The following NELL2 variants were observed in gnomAD, a reference collection of about 807,000 sequenced individuals.
NELL2 encodes the protein protein kinase C-binding protein NELL2.
A neutral mutation model predicts 109.6 loss-of-function variants in NELL2; 41 were observed. That is an observed-to-expected ratio of 0.37 (90% CI 0.29 to 0.49). NELL2 has a LOEUF of 0.49. Among genes scored for constraint, NELL2 ranks in the 20% least tolerant of loss-of-function variants. The pLI is 0.98. For missense variants in NELL2, 900 were observed against 1,008.3 expected (o/e 0.89, Z 1.45); for synonymous variants, 355 against 344.7 (o/e 1.03, Z -0.33).
At chr12:44,895,688 T>A (rs1022846681) in intron 1 of NELL2, among the ~76,000 whole-genome samples, 1 of 152,096 alleles carries the variant, frequency 6.6e-6, no homozygotes, top group Non-Finnish European at 1.5e-5. Flanking sequence ...TGTTGAGGCT[T>A]TTTTTCCTGC....
intron 9 of NELL2, among the ~76,000 whole-genome samples, chr12:44,765,841 T>A (rs949355064): frequency 1.2e-4 from 19 of 152,058 alleles, no homozygotes; most frequent in African/African-American, 3.9e-4. Flanking sequence ...TGAGTCTGAA[T>A]TGGCAGGATG....
chr12:44,738,204 T>A (rs1446346117), intron 9 of NELL2, among the ~76,000 whole-genome samples: 6 of 152,190 alleles, frequency 3.9e-5, no homozygotes, highest in Non-Finnish European at 8.8e-5. Flanking sequence ...ATTATTGTGT[T>A]CATATCTCAA....
At chr12:44,778,342 C>T (rs968855512) in intron 5 of NELL2, among the ~76,000 whole-genome samples, 1 of 152,066 alleles carries the variant, frequency 6.6e-6, no homozygotes, top group African/African-American at 2.4e-5. Flanking sequence ...TTACTGGATC[C>T]AGTGTGTGCT....
chr12:44,598,044 AT>A lies in NELL2; in HGVS notation c.1663+9124del, dbSNP rs1418372583. On this transcript the variant is annotated intron_variant, in intron 15 of 19. Coordinates refer to ENST00000429094, the MANE Select transcript of NELL2 (RefSeq NM_001145108.2). ...ACCCTCTCAAAACTGTCATTCACAAATTTGATTGTTCTTCTTTAACTTGGCC... is the reference window on the plus strand; with the variant it reads ...ACCCTCTCAAAACTGTCATTCACAAATTGATTGTTCTTCTTTAACTTGGCC... 4.6e-5 allele frequency among the ~76,000 whole-genome samples: 7 copies of A among 151,970 alleles called. No homozygotes were observed. The East Asian group carries it at 1.4e-3, about 29-fold the overall frequency.
chr12:44,861,392 T>C (rs1374479495), intron 2 of NELL2, among the ~76,000 whole-genome samples: 1 of 152,134 alleles, frequency 6.6e-6, no homozygotes, highest in Non-Finnish European at 1.5e-5. Flanking sequence ...TCCCACAGCC[T>C]CAGGCTCCAG....
intron 11 of NELL2, among the ~76,000 whole-genome samples, chr12:44,708,424 T>TAGTTGTTGGACA (rs1555202827): frequency 6.6e-6 from 1 of 152,190 alleles, no homozygotes; most frequent in African/African-American, 2.4e-5. Context: ...AGGGAATATT[T>TAGTTGTTGGACA]ACTAACTGTT....
chr12:44,567,528 G>C (rs1031632682), intron 15 of NELL2, among the ~76,000 whole-genome samples: 1 of 151,916 alleles, frequency 6.6e-6, no homozygotes, highest in African/African-American at 2.4e-5. Flanking sequence ...GAAAAACAGA[G>C]GACACACTAC....
intron 9 of NELL2, among the ~76,000 whole-genome samples, chr12:44,733,374 CT>C (rs1939471807): frequency 6.6e-6 from 1 of 151,804 alleles, no homozygotes; most frequent in African/African-American, 2.4e-5. Context: ...ATTATTTAGC[CT>C]TTAAAATGAA....
At chr12:44,658,891 A>G (rs1947616212) in intron 13 of NELL2, among the ~76,000 whole-genome samples, 1 of 150,800 alleles carries the variant, frequency 6.6e-6, no homozygotes, top group Admixed American at 6.6e-5. Flanking sequence ...AAAAAAAAAA[A>G]AAAAAAAAGA....
chr12:44,644,634 A>G (rs1438584060), intron 13 of NELL2, among the ~76,000 whole-genome samples: 15 of 130,580 alleles, frequency 1.1e-4, no homozygotes, highest in East Asian at 4.3e-4. Flanking sequence ...ATACATACAT[A>G]TATATATATA....
At chr12:44,808,122 C>G (rs1022799879) in intron 3 of NELL2, among the ~76,000 whole-genome samples, 2 of 152,048 alleles carry the variant, frequency 1.3e-5, no homozygotes, top group South Asian at 4.1e-4. Context: ...GCTGGTTAGT[C>G]TATGGGCTGC....
intron 12 of NELL2, among the ~76,000 whole-genome samples, chr12:44,675,947 C>A (rs1948301582): frequency 1.3e-5 from 2 of 152,078 alleles, no homozygotes; most frequent in Non-Finnish European, 2.9e-5. Flanking sequence ...CACTCCCTTT[C>A]CTGCCACATT....
chr12:44,607,798 T>C (rs1011664078), intron 14 of NELL2, among the ~76,000 whole-genome samples: 1 of 152,032 alleles, frequency 6.6e-6, no homozygotes, highest in Non-Finnish European at 1.5e-5. Context: ...ATTAGAGTGG[T>C]CTTCAGGGAG....
intron 9 of NELL2, among the ~76,000 whole-genome samples, chr12:44,739,125 T>A (rs1939805336): frequency 1.3e-5 from 2 of 152,206 alleles, no homozygotes; most frequent in Non-Finnish European, 1.5e-5. Context: ...CTTCTTGAAT[T>A]CCAGTGTAAA....
chr12:44,739,353 G>GTTTCTA (rs1282302851), intron 9 of NELL2, among the ~76,000 whole-genome samples: 1 of 152,146 alleles, frequency 6.6e-6, no homozygotes, highest in Admixed American at 6.6e-5. Context: ...GAAATGTGAA[G>GTTTCTA]TTTCTAGCAC....
chr12:44,698,902 A>G (rs1312096329), intron 12 of NELL2, among the ~76,000 whole-genome samples: 1 of 152,196 alleles, frequency 6.6e-6, no homozygotes, highest in Non-Finnish European at 1.5e-5. Context: ...GCGCTATTGG[A>G]CTGACACAGC....
chr12:44,588,588 TC>T (rs1490539212), intron 15 of NELL2, among the ~76,000 whole-genome samples: 6 of 152,196 alleles, frequency 3.9e-5, no homozygotes. Flanking sequence ...TATGTATGTT[TC>T]CTGGCATTAG....
chr12:44,913,884 A>G (rs547476511), exon 1 of NELL2: 1 of 593,078 alleles, frequency 1.7e-6, no homozygotes, highest in African/African-American at 2.0e-5. Flanking sequence ...TTTAGATTGA[A>G]TAAAGCATCT....
intron 2 of NELL2, among the ~76,000 whole-genome samples, chr12:44,873,062 G>A (rs1312632596): frequency 6.6e-6 from 1 of 152,090 alleles, no homozygotes; most frequent in Non-Finnish European, 1.5e-5. Flanking sequence ...CCGAATCTTA[G>A]AATAAAAGAA....
Sources: allele counts gnomAD v4.1 joint callset (sites outside exome capture counted in the v4.1 genomes callset), GRCh38; gene constraint gnomAD v4.1.1; transcripts MANE v1.5; gene names NCBI Gene and HGNC (gene_info 2026-07-23, HGNC 2026-07-21).